SGCZ: variants seen among roughly 807,000 people sequenced by gnomAD.
SGCZ encodes sarcoglycan zeta, also known as zeta-sarcoglycan.
In SGCZ, 40 loss-of-function variants were observed where a neutral mutation model predicts 41.3. The ratio of observed to expected loss-of-function variants is 0.97; its 90% CI spans 0.75 to 1.26. The LOEUF (loss-of-function observed/expected upper bound fraction) is 1.26. Among genes scored for constraint, SGCZ ranks in the 50% most tolerant of loss-of-function variants. SGCZ has a pLI of 0.00. For synonymous variants in SGCZ, 206 were observed against 137.5 expected (o/e 1.50, Z -3.49); for missense variants, 552 against 369.8 (o/e 1.49, Z -4.04).
chr8:14,733,473 C>G (rs1798933577), intron 1 of SGCZ, among the ~76,000 whole-genome samples: 1 of 152,174 alleles, frequency 6.6e-6, no homozygotes, highest in Non-Finnish European at 1.5e-5. Context: ...ATGTCCATAT[C>G]TGTGTCTTAT....
At chr8:15,229,035 T>A (rs567585980) in intron 1 of SGCZ, among the ~76,000 whole-genome samples, 1 of 151,992 alleles carries the variant, frequency 6.6e-6, no homozygotes, top group East Asian at 1.9e-4. Context: ...TCTACAAAAA[T>A]ACAAAAATCA....
intron 1 of SGCZ, among the ~76,000 whole-genome samples, chr8:15,022,928 C>G (rs188258076): frequency 6.6e-6 from 1 of 152,170 alleles, no homozygotes; most frequent in Non-Finnish European, 1.5e-5. Context: ...TGTGGCAGAA[C>G]CTCACATTCC....
intron 4 of SGCZ, among the ~76,000 whole-genome samples, chr8:14,205,878 AC>A (rs1349562479): frequency 6.6e-6 from 1 of 152,196 alleles, no homozygotes; most frequent in Non-Finnish European, 1.5e-5. Flanking sequence ...TTCATAAAAA[AC>A]AAATTACCCA....
intron 3 of SGCZ, among the ~76,000 whole-genome samples, chr8:14,290,747 T>A (rs1188964363): frequency 7.9e-6 from 1 of 126,264 alleles, no homozygotes. Flanking sequence ...AATGTAAATG[T>A]AAATTAGTAC....
intron 5 of SGCZ, among the ~76,000 whole-genome samples, chr8:14,147,411 T>G (rs775998918): frequency 1.3e-5 from 2 of 152,098 alleles, no homozygotes; most frequent in African/African-American, 2.4e-5. Flanking sequence ...GTGCAGGAGT[T>G]GCTATACTCA....
chr8:14,285,717 G>C (rs897779970), intron 3 of SGCZ, among the ~76,000 whole-genome samples: 1 of 152,028 alleles, frequency 6.6e-6, no homozygotes, highest in South Asian at 2.1e-4. Context: ...GGGGAAAGTG[G>C]TTTCTATGTC....
At chr8:15,208,151 G>A (rs1801128766) in intron 1 of SGCZ, among the ~76,000 whole-genome samples, 1 of 152,184 alleles carries the variant, frequency 6.6e-6, no homozygotes, top group South Asian at 2.1e-4. Flanking sequence ...TGCCTTTCAA[G>A]GCCAAAATAA....
chr8:15,178,900 A>T (rs1030404244), intron 1 of SGCZ, among the ~76,000 whole-genome samples: 5 of 152,238 alleles, frequency 3.3e-5, no homozygotes, highest in Admixed American at 2.0e-4. Context: ...CTTATTTTCA[A>T]TCAAGAGATA....
chr8:15,068,931 C>G (rs1805252028), intron 1 of SGCZ, among the ~76,000 whole-genome samples: 1 of 152,180 alleles, frequency 6.6e-6, no homozygotes, highest in Non-Finnish European at 1.5e-5. Context: ...CTAATGTTAG[C>G]ACTTCCATTT....
intron 1 of SGCZ, among the ~76,000 whole-genome samples, chr8:14,562,590 T>C (rs888384063): frequency 2.0e-5 from 3 of 152,106 alleles, no homozygotes; most frequent in East Asian, 1.9e-4. Flanking sequence ...GAGATGAGAC[T>C]AAAATGAAGA....
Position 14,660,789 on chromosome 8 carries a change from A to C in SGCZ, c.40-105863T>G, listed in dbSNP as rs1563185537. On this transcript the variant is annotated intron_variant, in intron 1 of 7. Coordinates refer to ENST00000382080, the MANE Select transcript of SGCZ (RefSeq NM_139167.4). ...AAATAAAGAAGAAACTGGAGAGGCCATACAGTAAACATGAAGAGGAGAGTA... is the reference window on the plus strand; with the variant it reads ...AAATAAAGAAGAAACTGGAGAGGCCCTACAGTAAACATGAAGAGGAGAGTA... Among the ~76,000 whole-genome samples, 4 of 152,088 alleles carry C rather than the reference A, an allele frequency of 2.6e-5. No individual in the cohort carries two copies. The South Asian group carries it at 8.3e-4, about 32-fold the overall frequency.
Position 14,799,590 on chromosome 8 carries a change from C to G in SGCZ, c.40-244664G>C, listed in dbSNP as rs60624996. 5.3e-5 allele frequency among the ~76,000 whole-genome samples: 8 copies of G among 152,180 alleles called. No individual in the cohort carries two copies. The South Asian group carries it at 1.7e-3, about 32-fold the overall frequency. On this transcript the variant is annotated intron_variant, in intron 1 of 7. Transcript: ENST00000382080. ...CTATCCTTAGCATTTGACCTCTGTA[C>G]TCAAGTTCCCCTTCTGAACTAAGAA...
chr8:15,100,174 G>A (rs1598185), intron 1 of SGCZ, among the ~76,000 whole-genome samples: 143,026 of 152,126 alleles, frequency 0.94, 67,616 homozygotes, highest in Middle Eastern at 0.99. Context: ...TTGAATTTTC[G>A]GATGACTTGA....
At chr8:14,727,228 C>G (rs1725735173) in intron 1 of SGCZ, among the ~76,000 whole-genome samples, 1 of 152,040 alleles carries the variant, frequency 6.6e-6, no homozygotes, top group African/African-American at 2.4e-5. Flanking sequence ...AAAGAATGCT[C>G]AACATCTTTA....
At chr8:14,167,103 C>T (rs1804233131) in intron 4 of SGCZ, among the ~76,000 whole-genome samples, 1 of 152,168 alleles carries the variant, frequency 6.6e-6, no homozygotes, top group East Asian at 1.9e-4. Flanking sequence ...TTATACATTG[C>T]TTTTCTTTCC....
intron 1 of SGCZ, among the ~76,000 whole-genome samples, chr8:14,860,314 A>G (rs1803679617): frequency 6.6e-6 from 1 of 151,828 alleles, no homozygotes; most frequent in Non-Finnish European, 1.5e-5. Context: ...GACGCTAACT[A>G]CATTTTACCT....
chr8:14,251,204 G>C (rs1799272421), intron 3 of SGCZ, among the ~76,000 whole-genome samples: 1 of 152,028 alleles, frequency 6.6e-6, no homozygotes, highest in Non-Finnish European at 1.5e-5. Context: ...CTCCAGTCTG[G>C]GCAACAGAGC....
At chr8:14,336,169 TG>T (rs919817042) in intron 2 of SGCZ, among the ~76,000 whole-genome samples, 1 of 152,102 alleles carries the variant, frequency 6.6e-6, no homozygotes, top group Non-Finnish European at 1.5e-5. Context: ...ATATAGTATT[TG>T]GTTTTCTGCT....
chr8:14,541,421 G>C lies in SGCZ; in HGVS notation c.234+13311C>G, dbSNP rs141667715. Among the ~76,000 whole-genome samples, 1,075 of 152,092 alleles carry C rather than the reference G, an allele frequency of 7.1e-3. 15 individuals carry two copies. Among genetic ancestry groups the C allele is most frequent in the African/African-American group, 0.025 (1,018 of 41,484 alleles). ...TGGTTTTCTGTTCCTGTGTTAGTTTGCTGAAGATGACAGCTTCCAGCTTCA... is the reference window on the plus strand; with the variant it reads ...TGGTTTTCTGTTCCTGTGTTAGTTTCCTGAAGATGACAGCTTCCAGCTTCA... On this transcript the variant is annotated intron_variant, in intron 2 of 7. Transcript: ENST00000382080.
Sources: gnomAD v4.1 joint callset for allele counts (sites outside exome capture counted in the v4.1 genomes callset) on GRCh38, gnomAD v4.1.1 for gene constraint, MANE v1.5 for transcripts, NCBI Gene and HGNC (gene_info 2026-07-23, HGNC 2026-07-21) for gene names.